The following CCDC112 variants were observed in gnomAD, a reference collection of about 807,000 sequenced individuals.
The protein encoded by CCDC112 is coiled-coil domain containing 112.
In CCDC112, 40 loss-of-function variants were observed where a neutral mutation model predicts 66.3. The observed-to-expected ratio is 0.60, with a 90% CI of 0.47 to 0.79. The LOEUF is 0.79. Among genes scored for constraint, CCDC112 ranks in the 30% least tolerant of loss-of-function variants. CCDC112 has a pLI of 0.00. For missense variants in CCDC112, 659 were observed against 603.8 expected (o/e 1.09, Z -0.96); for synonymous variants, 214 against 197.2 (o/e 1.09, Z -0.71).
intron 1 of CCDC112, among the ~76,000 whole-genome samples, chr5:115,290,616 AAACATT>A (rs1282326182): frequency 1.3e-5 from 2 of 152,208 alleles, no homozygotes; most frequent in Admixed American, 6.5e-5. Context: ...TCAAAATCAT[AAACATT>A]AAGTATTCAT....
chr5:115,270,354 A>C (rs1748945440), intron 7 of CCDC112, among the ~76,000 whole-genome samples: 1 of 152,190 alleles, frequency 6.6e-6, no homozygotes, highest in South Asian at 2.1e-4. Context: ...TTTGATGCAC[A>C]TAACAATTCA....
intron 1 of CCDC112, among the ~76,000 whole-genome samples, chr5:115,293,069 G>A (rs1750003204): frequency 6.6e-6 from 1 of 152,166 alleles, no homozygotes; most frequent in Non-Finnish European, 1.5e-5. Context: ...GTGTGAACCT[G>A]GAGGACATTA....
At chr5:115,269,370 G>A (rs1748904566) in intron 8 of CCDC112, among the ~76,000 whole-genome samples, 1 of 152,092 alleles carries the variant, frequency 6.6e-6, no homozygotes, top group Admixed American at 6.5e-5. Flanking sequence ...AATATCTTTA[G>A]CTCTGAGTAC....
chr5:115,268,352 T>TCTGCCTCCCAA (rs1231020301), intron 9 of CCDC112, among the ~76,000 whole-genome samples: 12 of 152,104 alleles, frequency 7.9e-5, no homozygotes, highest in Non-Finnish European at 1.5e-4. Flanking sequence ...CACCATAACC[T>TCTGCCTCCCAA]CTGCCTCCCA....
rs1205460088 is a variant in CCDC112 at position 115,284,074 on chromosome 5, C to T, written c.239+713G>A. Among the ~76,000 whole-genome samples, 3 of 150,648 alleles carry T rather than the reference C, an allele frequency of 2.0e-5. No homozygotes were observed. The East Asian group carries it at 5.8e-4, about 29-fold the overall frequency. On this transcript the variant is annotated intron_variant, in intron 2 of 9. Coordinates refer to ENST00000379611, the MANE Select transcript of CCDC112 (RefSeq NM_001040440.3). ...AAATGGATCTGAAAGGAGCAGAAAC[C>T]AAGGAATTGAGATCAATTAAAAAGC...
intron 1 of CCDC112, among the ~76,000 whole-genome samples, chr5:115,295,398 A>AT (rs1192856398): frequency 6.6e-6 from 1 of 152,164 alleles, no homozygotes; most frequent in Non-Finnish European, 1.5e-5. Flanking sequence ...TATATTTTAC[A>AT]TTTTTTCCTG....
Position 115,267,519 on chromosome 5 carries a change from T to C in CCDC112, c.*357A>G, listed in dbSNP as rs1407792844. ...ACTCCAAGTTATAAAAGTTACAAAA[T>C]TTTGGTTTAAAAAATGTCATTGTAT... On this transcript the variant is annotated 3_prime_UTR_variant, in exon 10 of 10. Coordinates refer to ENST00000379611, the MANE Select transcript of CCDC112 (RefSeq NM_001040440.3). 2 of 169,464 alleles carry C rather than the reference T, an allele frequency of 1.2e-5. No individual in the cohort carries two copies. The highest frequency in any genetic ancestry group is 2.5e-5 in the Non-Finnish European group (2 of 80,196). 10.5% of individuals were successfully genotyped at this position (169,464 alleles called of 1,614,324 possible). A position where few individuals can be genotyped will look rare whatever the true frequency, so the allele number is the denominator to read the frequency against.
At chr5:115,294,263 G>A (rs143885705) in intron 1 of CCDC112, among the ~76,000 whole-genome samples, 1 of 152,282 alleles carries the variant, frequency 6.6e-6, no homozygotes, top group Admixed American at 6.5e-5. Context: ...TTCCTATGTA[G>A]AAGGCCTGAT....
intron 1 of CCDC112, among the ~76,000 whole-genome samples, chr5:115,294,863 T>C (rs1389894256): frequency 6.6e-6 from 1 of 152,190 alleles, no homozygotes; most frequent in Admixed American, 6.5e-5. Context: ...TAATGCTGCA[T>C]TGTTTTGTTT....
chr5:115,280,729 T>C lies in CCDC112; in HGVS notation c.240-961A>G, dbSNP rs574531012. 1.6e-4 allele frequency among the ~76,000 whole-genome samples: 25 copies of C among 152,130 alleles called. 1 individual carries two copies. The highest frequency in any genetic ancestry group is 3.4e-3 in the Middle Eastern group (1 of 292). ...AACCACCATGCCCAGCTAATTTTTTTTTTTGATAGATATAGGGTTTTGCCA... is the reference window on the plus strand; with the variant it reads ...AACCACCATGCCCAGCTAATTTTTTCTTTTGATAGATATAGGGTTTTGCCA... On this transcript the variant is annotated intron_variant, in intron 2 of 9. Coordinates refer to ENST00000379611, the MANE Select transcript of CCDC112 (RefSeq NM_001040440.3).
chr5:115,275,960 A>G (rs372525946), intron 5 of CCDC112, 34 bp downstream of exon 5: 12 of 1,417,368 alleles, frequency 8.5e-6, no homozygotes, highest in Non-Finnish European at 1.2e-5. Context: ...AATAAAGGTC[A>G]ATAATTTTAT....
intron 2 of CCDC112, among the ~76,000 whole-genome samples, chr5:115,283,670 A>G (rs1749551835): frequency 6.6e-6 from 1 of 152,148 alleles, no homozygotes; most frequent in African/African-American, 2.4e-5. Flanking sequence ...AGGAGAATTT[A>G]GTCTCCAAAA....
rs540654421 is a variant in CCDC112, at chr5:115,268,005, T to C, written c.1548-87A>G. The C allele has an allele frequency of 3.0e-6, 3 of 1,007,234 alleles. No homozygotes were observed. In the African/African-American group the frequency reaches 4.9e-5, roughly 16 times the overall value. 62.4% of individuals were successfully genotyped at this position (1,007,234 alleles called of 1,614,324 possible). ...ATCTGATTAAGTGCTAACTTTAAAA[T>C]ATATATATAACCTACCCTGCATGTT... On this transcript the variant is annotated intron_variant, in intron 9 of 9. Transcript: ENST00000379611.
intron 3 of CCDC112, 21 bp downstream of exon 3, chr5:115,279,626 T>C (rs754573620): frequency 1.9e-6 from 3 of 1,608,564 alleles, no homozygotes; most frequent in Non-Finnish European, 1.7e-6. Context: ...CAGTTTTTAG[T>C]TCATCACAAA....
chr5:115,267,267 C>A lies in CCDC112; in HGVS notation c.*609G>T, dbSNP rs1176217315. 6.6e-6 allele frequency: 1 copy of A among 151,722 alleles called. No individual in the cohort carries two copies. The highest frequency in any genetic ancestry group is 1.5e-5 in the Non-Finnish European group (1 of 67,964). The allele number at this position is 151,722 out of a possible 1,614,324, so 9.4% of individuals were successfully genotyped here. A position where few individuals can be genotyped will look rare whatever the true frequency, so the allele number is the denominator to read the frequency against. Reference sequence around the variant, plus strand: ...AAAATTTGGAATTGCTGAAGGAAACCAAAAAGATTATATCAATAATACAAT... The same window carrying A: ...AAAATTTGGAATTGCTGAAGGAAACAAAAAAGATTATATCAATAATACAAT... On this transcript the variant is annotated 3_prime_UTR_variant, in exon 10 of 10. Transcript: ENST00000379611.
chr5:115,291,917 CT>C (rs1433531657), intron 1 of CCDC112, among the ~76,000 whole-genome samples: 5 of 152,010 alleles, frequency 3.3e-5, no homozygotes, highest in Non-Finnish European at 5.9e-5. Flanking sequence ...TTTCTTGGTG[CT>C]TTCAAGACTT....
Position 115,275,420 on chromosome 5 carries a change from T to G in CCDC112, c.714A>C (p.Lys238Asn). Residue 238 changes from lysine (K) to asparagine (N), a missense_variant, in exon 6 of 10, where the codon AAA (lysine) becomes AAC (asparagine). Coordinates refer to ENST00000379611, the MANE Select transcript of CCDC112 (RefSeq NM_001040440.3). ...GTCGCCCTCCTGTTTGCTGAAGGAA[T>G]TTTTCAAAATCTAGTACCTCTTCTG... is the stretch of plus-strand genomic sequence containing the variant. ...TLPEEVLDFEKFLQQTGGRQG... is the reference protein window; with the variant it reads ...TLPEEVLDFENFLQQTGGRQG... 1 of 1,614,034 alleles carries G rather than the reference T, an allele frequency of 6.2e-7. No individual in the cohort carries two copies. Among genetic ancestry groups the G allele is most frequent in the Non-Finnish European group, 8.5e-7 (1 of 1,179,974 alleles).
intron 3 of CCDC112, among the ~76,000 whole-genome samples, chr5:115,278,713 A>G (rs1407746582): frequency 2.0e-5 from 3 of 152,110 alleles, no homozygotes; most frequent in African/African-American, 4.8e-5. Context: ...AAGAAGGAAA[A>G]TGATTCCTGC....
Position 115,269,799 on chromosome 5 carries a change from C to CT in CCDC112, c.1333-2dup. Reference sequence around the variant, plus strand: ...TTTTCAGTTCAAGTTTATGTAAATCCTTAAAAAAAAAAACCCATAGCATTA... The same window carrying CT: ...TTTTCAGTTCAAGTTTATGTAAATCCTTTAAAAAAAAAAACCCATAGCATTA... On this transcript the variant is annotated splice_acceptor_variant, in intron 7 of 9. Transcript: ENST00000379611. LOFTEE classifies it high-confidence loss of function. The CT allele has an allele frequency of 1.3e-6, 2 of 1,509,912 alleles. No individual in the cohort carries two copies. The highest frequency in any genetic ancestry group is 1.8e-6 in the Non-Finnish European group (2 of 1,130,210). 93.5% of individuals were successfully genotyped at this position (1,509,912 alleles called of 1,614,324 possible).
Sources: gnomAD v4.1 joint callset for allele counts (sites outside exome capture counted in the v4.1 genomes callset) on GRCh38, gnomAD v4.1.1 for gene constraint, MANE v1.5 for transcripts, NCBI Gene and HGNC (gene_info 2026-07-23, HGNC 2026-07-21) for gene names.